The following TENM4 variants were observed in gnomAD, a reference collection of about 807,000 sequenced individuals.
TENM4 encodes the protein teneurin-4.
A neutral mutation model predicts 243.3 loss-of-function variants in TENM4; 82 were observed. The ratio of observed to expected loss-of-function variants is 0.34; its 90% CI spans 0.28 to 0.40. The LOEUF is 0.40. TENM4 is among the 10% of genes least tolerant of loss of function. The pLI is 1.00. For missense variants in TENM4, 3,138 were observed against 3,673.3 expected, an observed-to-expected ratio of 0.85 and a Z score of 3.77; for synonymous variants, 1,412 against 1,456.3, an observed-to-expected ratio of 0.97 and a Z score of 0.69.
Position 78,805,277 on chromosome 11 carries a change from T to TGCCCCCCCGCCCCC in TENM4, c.2179+14_2179+15insGGGGGCGGGGGGGC. On this transcript the variant is annotated intron_variant, in intron 15 of 33. Coordinates refer to ENST00000278550, the MANE Select transcript of TENM4 (RefSeq NM_001098816.3). ...CCCCTCCCTCTACCCATGCTTCTTCTCCCCCTGCATTTACCGATAGAACAG... is the reference window on the plus strand; with the variant it reads ...CCCCTCCCTCTACCCATGCTTCTTCTGCCCCCCCGCCCCCCCCCCTGCATTTACCGATAGAACAG... 7.1e-7 allele frequency: 1 copy of TGCCCCCCCGCCCCC among 1,402,548 alleles called. No individual in the cohort carries two copies. Among genetic ancestry groups the TGCCCCCCCGCCCCC allele is most frequent in the Non-Finnish European group, 9.7e-7 (1 of 1,033,114 alleles). The allele number at this position is 1,402,548 out of a possible 1,614,324, so 86.9% of individuals were successfully genotyped here. A position where few individuals can be genotyped will look rare whatever the true frequency, so the allele number is the denominator to read the frequency against.
intron 4 of TENM4, among the ~76,000 whole-genome samples, chr11:79,113,621 A>G (rs1328525592): frequency 1.3e-5 from 2 of 151,940 alleles, no homozygotes; most frequent in Non-Finnish European, 2.9e-5. Context: ...GGATCCAATG[A>G]CAATGTTAAC....
intron 16 of TENM4, among the ~76,000 whole-genome samples, chr11:78,782,679 T>A (rs980836373): frequency 2.0e-5 from 3 of 151,992 alleles, no homozygotes; most frequent in Non-Finnish European, 4.4e-5. Context: ...GGCAGAAGAA[T>A]TGCTTGAACC....
chr11:78,692,378 A>AT (rs1197452704), intron 28 of TENM4, among the ~76,000 whole-genome samples: 2 of 152,124 alleles, frequency 1.3e-5, no homozygotes, highest in Non-Finnish European at 2.9e-5. Flanking sequence ...AAATGATACA[A>AT]TTTCAGGCAG....
intron 1 of TENM4, among the ~76,000 whole-genome samples, chr11:79,401,499 G>A (rs1328111217): frequency 6.6e-6 from 1 of 152,150 alleles, no homozygotes; most frequent in Non-Finnish European, 1.5e-5. Context: ...CATTTTTGCT[G>A]GTTACAAAAG....
At chr11:78,982,368 A>G (rs1339209015) in intron 6 of TENM4, among the ~76,000 whole-genome samples, 1 of 152,124 alleles carries the variant, frequency 6.6e-6, no homozygotes, top group Non-Finnish European at 1.5e-5. Context: ...TCTGAAAACC[A>G]GTAATCAGGA....
In TENM4 at chr11:79,432,102, T is replaced by C. The variant is rs77592075; in HGVS notation, c.-321+8407A>G. 4.1e-4 allele frequency among the ~76,000 whole-genome samples: 63 copies of C among 152,352 alleles called. 2 individuals carry two copies. The East Asian group carries it at 0.012, about 28-fold the overall frequency. On this transcript the variant is annotated intron_variant, in intron 1 of 33. Transcript: ENST00000278550. ...AATTAAATTTAGTTTAAAATGTGAC[T>C]AGTGACTACTATATTGCATAGAATA...
In TENM4 at chr11:78,701,697, G is replaced by A. The variant is rs1565338916; in HGVS notation, c.4916C>T (p.Pro1639Leu). Residue 1639 changes from proline to leucine, a missense_variant, in exon 28 of 34, where the codon CCC becomes CTC. Pro to Leu is a moderately conservative substitution (Grantham distance 98). This residue lies in a region of TENM4 where 2,467 missense variants were observed against 3,059.1 expected (regional missense o/e 0.81). Coordinates refer to ENST00000278550, the MANE Select transcript of TENM4 (RefSeq NM_001098816.3). The stretch of plus-strand genomic sequence containing the variant: ...GCCATCTGGGACCACCAGCCAGAGG[G>A]GCATCCCAGTAGAGTCTCGGCGGAC... ...VNVRRDSTGMPLWLVVPDGQV... is the reference protein window; with the variant it reads ...VNVRRDSTGMLLWLVVPDGQV... The A allele has an allele frequency of 1.2e-6, 2 of 1,613,944 alleles. No homozygotes were observed. The highest frequency in any genetic ancestry group is 1.7e-6 in the Non-Finnish European group (2 of 1,179,878).
chr11:79,361,229 C>A (rs1857583246), intron 1 of TENM4, among the ~76,000 whole-genome samples: 1 of 152,194 alleles, frequency 6.6e-6, no homozygotes. Context: ...CCCCCGATCT[C>A]TGGTGTCTTT....
intron 3 of TENM4, 101 bp from the exon 4 acceptor site, chr11:79,148,907 C>G (rs373858514): frequency 4.8e-6 from 1 of 206,842 alleles, no homozygotes; most frequent in East Asian, 1.9e-4. Flanking sequence ...GGGGGTGAGA[C>G]GTGGGCATGG....
intron 32 of TENM4, among the ~76,000 whole-genome samples, chr11:78,668,505 T>G (rs1858218109): frequency 6.6e-6 from 1 of 152,124 alleles, no homozygotes; most frequent in African/African-American, 2.4e-5. Flanking sequence ...CTTAACCCAA[T>G]CAAGGACTCA....
intron 18 of TENM4, among the ~76,000 whole-genome samples, chr11:78,757,933 T>C (rs1396807608): frequency 6.6e-6 from 1 of 152,226 alleles, no homozygotes; most frequent in Non-Finnish European, 1.5e-5. Context: ...GGACTGGAAC[T>C]TGTATTACAG....
chr11:79,412,712 T>C (rs1005357698), intron 1 of TENM4, among the ~76,000 whole-genome samples: 3 of 152,240 alleles, frequency 2.0e-5, no homozygotes, highest in African/African-American at 7.2e-5. Context: ...CATCTCCCAG[T>C]AACTTCCAAC....
At chr11:79,239,861 T>G (rs1022863952) in intron 2 of TENM4, among the ~76,000 whole-genome samples, 1 of 152,144 alleles carries the variant, frequency 6.6e-6, no homozygotes, top group Non-Finnish European at 1.5e-5. Flanking sequence ...CGCGCAGAGC[T>G]AAGGGACCAC....
intron 6 of TENM4, among the ~76,000 whole-genome samples, chr11:79,040,512 C>T (rs1016101787): frequency 3.3e-5 from 5 of 152,218 alleles, no homozygotes; most frequent in African/African-American, 1.2e-4. Context: ...GTTTGCTGCA[C>T]TTACTATTCC....
intron 12 of TENM4, among the ~76,000 whole-genome samples, chr11:78,829,207 G>A (rs911989106): frequency 2.0e-5 from 3 of 152,230 alleles, no homozygotes; most frequent in Admixed American, 2.0e-4. Context: ...ATCTCCCCAT[G>A]TGAAGTCTCT....
At chr11:79,197,733 T>A (rs1425931295) in intron 3 of TENM4, among the ~76,000 whole-genome samples, 1 of 152,232 alleles carries the variant, frequency 6.6e-6, no homozygotes, top group African/African-American at 2.4e-5. Flanking sequence ...CCATTTAAAA[T>A]GCATTGTTTT....
chr11:79,029,741 G>A (rs1859175972), intron 6 of TENM4, among the ~76,000 whole-genome samples: 1 of 152,136 alleles, frequency 6.6e-6, no homozygotes, highest in South Asian at 2.1e-4. Flanking sequence ...CACGGGGAGG[G>A]CATAAAACGG....
chr11:79,377,294 A>G (rs1409021422), intron 1 of TENM4, among the ~76,000 whole-genome samples: 1 of 152,222 alleles, frequency 6.6e-6, no homozygotes, highest in Non-Finnish European at 1.5e-5. Flanking sequence ...CTATTGTTCT[A>G]CATCACCAAG....
Position 78,805,273 on chromosome 11 carries a change from CTT to C in TENM4, c.2179+17_2179+18del, listed in dbSNP as rs112344918. On this transcript the variant is annotated intron_variant, in intron 15 of 33. Transcript: ENST00000278550. Reference sequence around the variant, plus strand: ...AAATCCCCTCCCTCTACCCATGCTTCTTCTCCCCCTGCATTTACCGATAGAAC... The same window carrying C: ...AAATCCCCTCCCTCTACCCATGCTTCCTCCCCCTGCATTTACCGATAGAAC... 2.6e-3 allele frequency: 7 copies of C among 2,720 alleles called. 2 individuals carry two copies. Among genetic ancestry groups the C allele is most frequent in the African/African-American group, 0.05 (2 of 40 alleles). The allele number at this position is 2,720 out of a possible 1,614,324, so 0.2% of individuals were successfully genotyped here. A position where few individuals can be genotyped will look rare whatever the true frequency, so the allele number is the denominator to read the frequency against.
Sources: gnomAD v4.1 joint callset for allele counts (sites outside exome capture counted in the v4.1 genomes callset) on GRCh38, gnomAD v4.1.1 for gene constraint, gnomAD v4.1.1 regional missense constraint, MANE v1.5 for transcripts, NCBI Gene and HGNC (gene_info 2026-07-23, HGNC 2026-07-21) for gene names.